ATP8A2: variants seen among roughly 807,000 people sequenced by gnomAD.
ATP8A2 encodes the protein phospholipid-transporting ATPase IB.
ATP8A2 carries 100 observed loss-of-function variants against 165.6 expected under a neutral mutation model. That is an observed-to-expected ratio of 0.60 (90% CI 0.51 to 0.71). The LOEUF is 0.71. Ranked by LOEUF, ATP8A2 falls within the 30% of genes least tolerant of loss-of-function variation. The pLI, the probability that ATP8A2 is intolerant of heterozygous loss-of-function variation, is 0.00. For missense variants in ATP8A2, 1,227 were observed against 1,479.5 expected, an observed-to-expected ratio of 0.83 and a Z score of 2.80; for synonymous variants, 543 against 548.8, an observed-to-expected ratio of 0.99 and a Z score of 0.15.
At chr13:25,563,354 A>C (rs1175810224) in intron 15 of ATP8A2, among the ~76,000 whole-genome samples, 4 of 151,754 alleles carry the variant, frequency 2.6e-5, no homozygotes, top group Non-Finnish European at 5.9e-5. Flanking sequence ...GGTTGCAGTG[A>C]GCCGAGATCA....
chr13:25,862,534 G>T, intron 33 of ATP8A2, 126 bp downstream of exon 33: 1 of 694,894 alleles, frequency 1.4e-6, no homozygotes. Context: ...GGTCCTTCCT[G>T]CTTCCATCAG....
At chr13:25,685,971 G>A (rs1053196941) in intron 24 of ATP8A2, among the ~76,000 whole-genome samples, 9 of 152,160 alleles carry the variant, frequency 5.9e-5, no homozygotes, top group African/African-American at 1.9e-4. Context: ...CAGAGGCACA[G>A]GTGGCATTGT....
chr13:25,814,048 T>A (rs1950945867), intron 27 of ATP8A2, among the ~76,000 whole-genome samples: 2 of 151,934 alleles, frequency 1.3e-5, no homozygotes, highest in South Asian at 4.1e-4. Context: ...CCTTTCTAAT[T>A]GCGTGAATCA....
At chr13:25,870,725 A>G (rs1952651809) in intron 33 of ATP8A2, among the ~76,000 whole-genome samples, 1 of 152,190 alleles carries the variant, frequency 6.6e-6, no homozygotes, top group South Asian at 2.1e-4. Context: ...TATGGAAAGC[A>G]GCTACAGTGA....
At chr13:25,765,480 G>A (rs180881280) in intron 25 of ATP8A2, among the ~76,000 whole-genome samples, 1 of 152,148 alleles carries the variant, frequency 6.6e-6, no homozygotes, top group African/African-American at 2.4e-5. Flanking sequence ...AAGTGGAGTG[G>A]TGCCTCTTCA....
At chr13:25,645,404 A>T (rs2041646051) in intron 24 of ATP8A2, among the ~76,000 whole-genome samples, 1 of 152,134 alleles carries the variant, frequency 6.6e-6, no homozygotes, top group African/African-American at 2.4e-5. Flanking sequence ...TGGGGACACA[A>T]CCAAACCATA....
intron 25 of ATP8A2, among the ~76,000 whole-genome samples, chr13:25,709,317 A>G (rs1566067198): frequency 6.6e-6 from 1 of 152,214 alleles, no homozygotes; most frequent in African/African-American, 2.4e-5. Context: ...TCACAAATAT[A>G]CAAGTGCCAA....
chr13:25,856,646 G>T (rs1952174236), intron 30 of ATP8A2, among the ~76,000 whole-genome samples: 1 of 152,014 alleles, frequency 6.6e-6, no homozygotes, highest in Admixed American at 6.5e-5. Flanking sequence ...ACAATTCAGA[G>T]ACATTAATTA....
At chr13:25,661,648 C>T (rs1403582359) in intron 24 of ATP8A2, among the ~76,000 whole-genome samples, 1 of 152,124 alleles carries the variant, frequency 6.6e-6, no homozygotes, top group Admixed American at 6.5e-5. Context: ...CCTTGTATTA[C>T]TTGGGGAAAG....
intron 2 of ATP8A2, among the ~76,000 whole-genome samples, chr13:25,508,892 T>C (rs1024600502): frequency 3.3e-5 from 5 of 152,210 alleles, no homozygotes; most frequent in African/African-American, 1.2e-4. Context: ...GAACACAGTG[T>C]CTTTTCACCC....
At chr13:25,706,489 A>G (rs2043057240) in intron 25 of ATP8A2, among the ~76,000 whole-genome samples, 1 of 152,172 alleles carries the variant, frequency 6.6e-6, no homozygotes, top group African/African-American at 2.4e-5. Context: ...CATGATGGAT[A>G]ATAGGAAATC....
At chr13:25,798,189 C>T (rs1950535645) in intron 27 of ATP8A2, among the ~76,000 whole-genome samples, 2 of 152,266 alleles carry the variant, frequency 1.3e-5, no homozygotes, top group South Asian at 4.1e-4. Flanking sequence ...TAATGAGCTT[C>T]CAGACTGAAA....
chr13:25,673,038 A>C (rs1023546848), intron 24 of ATP8A2, among the ~76,000 whole-genome samples: 4 of 152,196 alleles, frequency 2.6e-5, no homozygotes, highest in Non-Finnish European at 5.9e-5. Context: ...TTCTCTGGCA[A>C]TAATCTCTCC....
intron 27 of ATP8A2, among the ~76,000 whole-genome samples, chr13:25,795,551 T>C (rs1019042880): frequency 2.0e-5 from 3 of 152,208 alleles, no homozygotes; most frequent in African/African-American, 7.2e-5. Flanking sequence ...CTCAGAAATA[T>C]AGTAATAAGG....
chr13:25,664,999 G>GA (rs34189670), intron 24 of ATP8A2, among the ~76,000 whole-genome samples: 42 of 145,492 alleles, frequency 2.9e-4, no homozygotes, highest in Middle Eastern at 3.6e-3. Context: ...ATCAGAGATT[G>GA]AAAAAAAAAA....
At chr13:25,447,259 T>A (rs2035094615) in intron 1 of ATP8A2, among the ~76,000 whole-genome samples, 1 of 152,140 alleles carries the variant, frequency 6.6e-6, no homozygotes, top group African/African-American at 2.4e-5. Flanking sequence ...AGTAAAAACT[T>A]TTTTTCTTTT....
chr13:25,565,303 G>C (rs1410979454), intron 16 of ATP8A2, among the ~76,000 whole-genome samples: 1 of 152,116 alleles, frequency 6.6e-6, no homozygotes, highest in African/African-American at 2.4e-5. Context: ...AAGAATCTCT[G>C]CACTGTTTTC....
At chr13:25,794,805 A>G (rs1950462409) in intron 27 of ATP8A2, among the ~76,000 whole-genome samples, 1 of 138,814 alleles carries the variant, frequency 7.2e-6, no homozygotes, top group African/African-American at 2.7e-5. Context: ...TTCTGCCCCA[A>G]CGCATTCCCT....
intron 27 of ATP8A2, among the ~76,000 whole-genome samples, chr13:25,779,214 G>T (rs78236798): frequency 1.3e-5 from 2 of 152,036 alleles, no homozygotes; most frequent in African/African-American, 4.8e-5. Flanking sequence ...ATGCTTTGGC[G>T]AGCTTATTGA....
Sources: gnomAD v4.1 joint callset for allele counts (sites outside exome capture counted in the v4.1 genomes callset) on GRCh38, gnomAD v4.1.1 for gene constraint, MANE v1.5 for transcripts, NCBI Gene and HGNC (gene_info 2026-07-23, HGNC 2026-07-21) for gene names.